Variants in HELZ observed in about 807,000 individuals in gnomAD.
The protein encoded by HELZ is helicase with zinc finger.
In HELZ, 23 loss-of-function variants were observed where a neutral mutation model predicts 218.2. The observed-to-expected ratio is 0.11, with a 90% confidence interval of 0.08 to 0.15. HELZ has a LOEUF of 0.15. HELZ is among the 10% of genes least tolerant of loss of function. The probability of loss-of-function intolerance (pLI) is 1.00; values close to 1 mark genes in which losing one functional copy is unlikely to be tolerated. For missense variants in HELZ, 1,813 were observed against 2,353.7 expected (o/e 0.77, Z 4.75); for synonymous variants, 814 against 829.4 (o/e 0.98, Z 0.32).
At chr17:67,224,143 C>G (rs2040828620) in intron 3 of HELZ, among the ~76,000 whole-genome samples, 1 of 152,196 alleles carries the variant, frequency 6.6e-6, no homozygotes, top group Admixed American at 6.5e-5. Flanking sequence ...GCCCTGAACA[C>G]AGGGATTGGC....
intron 4 of HELZ, 46 bp downstream of exon 4, chr17:67,218,549 C>T: frequency 5.6e-6 from 8 of 1,422,454 alleles, no homozygotes; most frequent in Non-Finnish European, 8.0e-6. Context: ...ATGAAAAAGG[C>T]CATTTTACAT....
intron 23 of HELZ, among the ~76,000 whole-genome samples, chr17:67,129,309 T>TA (rs1473718213): frequency 2.0e-5 from 3 of 151,948 alleles, no homozygotes; most frequent in Admixed American, 2.0e-4. Flanking sequence ...TTTATATACA[T>TA]ACGCATATAT....
intron 23 of HELZ, among the ~76,000 whole-genome samples, chr17:67,133,713 C>G (rs1567828564): frequency 6.6e-6 from 1 of 152,106 alleles, no homozygotes; most frequent in Non-Finnish European, 1.5e-5. Flanking sequence ...CAAGGTTTTG[C>G]CATGTTGCCC....
At chr17:67,129,654 A>C (rs1343161719) in intron 23 of HELZ, among the ~76,000 whole-genome samples, 2 of 152,182 alleles carry the variant, frequency 1.3e-5, no homozygotes, top group Non-Finnish European at 2.9e-5. Context: ...AAATATGGGA[A>C]GTTGGAATGC....
chr17:67,086,831 A>G lies in HELZ; in HGVS notation c.5492T>C (p.Ile1831Thr), dbSNP rs1661580519. The G allele has an allele frequency of 4.3e-6, 7 of 1,613,476 alleles. No individual in the cohort carries two copies. Among genetic ancestry groups the G allele is most frequent in the South Asian group, 1.1e-5 (1 of 91,046 alleles). Residue 1831 changes from isoleucine (I) to threonine (T), a missense_variant and splice_region_variant, in exon 32 of 33, where the codon ATA (isoleucine) becomes ACA (threonine). This residue lies in a region of HELZ where 938 missense variants were observed against 1,027.5 expected (regional missense o/e 0.91). Transcript: ENST00000358691. The stretch of plus-strand genomic sequence containing the variant: ...TTTAGCCACCAACTCTGTCTTACCT[A>G]TCAACTCTCTGGGCTGAGCTGTCCT... ...SSRTAQPREL[I>T]APPKTVKPPE...
rs1487452752 is a variant in HELZ, at chr17:67,190,262, T to G, written c.651A>C (p.Ser217=). 6.2e-7 allele frequency: 1 copy of G among 1,613,908 alleles called. No individual in the cohort carries two copies. The highest frequency in any genetic ancestry group is 1.3e-5 in the African/African-American group (1 of 74,946). The change falls in exon 10 of 33, where the codon TCA becomes TCC. Residue 217 remains serine, a synonymous_variant. Transcript: ENST00000358691. The stretch of plus-strand genomic sequence containing the variant: ...TTTGCTGTTTCAATTTTATCAGCCG[T>G]GAAGCATATCTTTTCTGCCATTCTG... ...ELAEWQKRYA[S]RLIKLKQQNE...
Position 67,077,604 on chromosome 17 carries a change from C to T in HELZ, c.*648G>A, listed in dbSNP as rs976048297. 1.3e-5 allele frequency: 2 copies of T among 149,428 alleles called. No individual in the cohort carries two copies. The highest frequency in any genetic ancestry group is 3.0e-5 in the Non-Finnish European group (2 of 67,552). 9.3% of individuals were successfully genotyped at this position (149,428 alleles called of 1,614,324 possible). On this transcript the variant is annotated 3_prime_UTR_variant, in exon 33 of 33. Transcript: ENST00000358691. ...TCACATTTCAAAAAACAGTGGCATACAAAATATGCCTGCAAAGAATGCCTT... is the reference window on the plus strand; with the variant it reads ...TCACATTTCAAAAAACAGTGGCATATAAAATATGCCTGCAAAGAATGCCTT...
chr17:67,135,668 T>G (rs2038126633), intron 23 of HELZ, among the ~76,000 whole-genome samples: 1 of 152,266 alleles, frequency 6.6e-6, no homozygotes, highest in African/African-American at 2.4e-5. Flanking sequence ...CAATAAAATG[T>G]AAGCCCCACA....
rs532742700 is a variant in HELZ, at chr17:67,145,770, A to G, written c.2742T>C (p.Asn914=). 2.5e-6 allele frequency: 4 copies of G among 1,611,542 alleles called. No homozygotes were observed. Among genetic ancestry groups the G allele is most frequent in the East Asian group, 4.5e-5 (2 of 44,846 alleles). Residue 914 remains asparagine (N), a synonymous_variant, in exon 21 of 33, where the codon AAT becomes AAC. Transcript: ENST00000358691. ...CTGCATTATTATAAAAAGCTGTGCT[A>G]TTTTTTTCTTGTACATCTTCTCCTC... is the stretch of plus-strand genomic sequence containing the variant. ...TARGEDVQEK[N]STAFYNNAEV...
intron 23 of HELZ, among the ~76,000 whole-genome samples, chr17:67,135,455 C>T (rs2038120444): frequency 6.6e-6 from 1 of 152,206 alleles, no homozygotes; most frequent in South Asian, 2.1e-4. Context: ...AATAGCTTCT[C>T]CCTCACTTCC....
chr17:67,122,842 A>G, intron 26 of HELZ, 128 bp downstream of exon 26: 1 of 615,020 alleles, frequency 1.6e-6, no homozygotes. Context: ...TTTGCTTTAA[A>G]AGAAGATTAT....
intron 32 of HELZ, among the ~76,000 whole-genome samples, chr17:67,079,853 A>C (rs1307253716): frequency 6.6e-6 from 1 of 152,168 alleles, no homozygotes; most frequent in Non-Finnish European, 1.5e-5. Context: ...TCTGTCCATT[A>C]TTCTATTGGA....
intron 27 of HELZ, among the ~76,000 whole-genome samples, chr17:67,119,811 T>A (rs2037542617): frequency 6.6e-6 from 1 of 151,984 alleles, no homozygotes; most frequent in Non-Finnish European, 1.5e-5. Context: ...GACTACCATT[T>A]TAAAGTACTC....
intron 3 of HELZ, among the ~76,000 whole-genome samples, chr17:67,221,907 C>T (rs1007820956): frequency 2.0e-5 from 3 of 150,274 alleles, no homozygotes; most frequent in Admixed American, 2.0e-4. Flanking sequence ...TGTAGTCGTG[C>T]AATCATAGCT....
intron 17 of HELZ, among the ~76,000 whole-genome samples, chr17:67,152,767 TAAA>T (rs368609592): frequency 8.0e-6 from 1 of 124,856 alleles, no homozygotes. Flanking sequence ...AGAGTAGATT[TAAA>T]AAAAAAAAAA....
chr17:67,241,183 A>G (rs568077768), intron 2 of HELZ, among the ~76,000 whole-genome samples: 1 of 152,336 alleles, frequency 6.6e-6, no homozygotes, highest in African/African-American at 2.4e-5. Context: ...TAGAAATCCA[A>G]TTACATCTGC....
intron 32 of HELZ, among the ~76,000 whole-genome samples, chr17:67,082,328 A>G (rs2036220086): frequency 6.6e-6 from 1 of 152,192 alleles, no homozygotes; most frequent in Non-Finnish European, 1.5e-5. Context: ...AACCCCACTA[A>G]TATTTCTTTT....
intron 31 of HELZ, among the ~76,000 whole-genome samples, chr17:67,093,057 G>A (rs2036622943): frequency 6.6e-6 from 1 of 152,176 alleles, no homozygotes; most frequent in Non-Finnish European, 1.5e-5. Flanking sequence ...TGAAAAAAGG[G>A]AGGCCCGGAA....
chr17:67,171,786 T>A (rs1425380228), intron 13 of HELZ, among the ~76,000 whole-genome samples: 1 of 151,958 alleles, frequency 6.6e-6, no homozygotes, highest in Non-Finnish European at 1.5e-5. Flanking sequence ...TATTCTCACA[T>A]CCTGTTTCCT....
Sources: allele counts gnomAD v4.1 joint callset (sites outside exome capture counted in the v4.1 genomes callset), GRCh38; gene constraint gnomAD v4.1.1; regional missense constraint gnomAD v4.1.1; transcripts MANE v1.5; gene names NCBI Gene and HGNC (gene_info 2026-07-23, HGNC 2026-07-21).